The following PARD3 variants were observed in gnomAD, a reference collection of about 807,000 sequenced individuals.
PARD3 encodes the protein par-3 family cell polarity regulator.
PARD3 carries 75 observed loss-of-function variants against 155.4 expected under a neutral mutation model. The observed-to-expected ratio is 0.48, with a 90% CI of 0.40 to 0.58. PARD3 has a LOEUF of 0.58. PARD3 is among the 20% of genes least tolerant of loss of function. The pLI is 0.00. For synonymous variants in PARD3, 576 were observed against 610.5 expected, an observed-to-expected ratio of 0.94 and a Z score of 0.83; for missense variants, 1,642 against 1,721.7, an observed-to-expected ratio of 0.95 and a Z score of 0.82.
chr10:34,658,534 G>A (rs899782884), intron 2 of PARD3, among the ~76,000 whole-genome samples: 6 of 152,092 alleles, frequency 3.9e-5, no homozygotes, highest in African/African-American at 1.4e-4. Flanking sequence ...GGCTGGGGCT[G>A]AGGCTGAGGC....
At chr10:34,129,866 C>T (rs542608925) in intron 23 of PARD3, among the ~76,000 whole-genome samples, 3 of 141,530 alleles carry the variant, frequency 2.1e-5, no homozygotes, top group African/African-American at 7.9e-5. Flanking sequence ...GATGGGGTCT[C>T]CCTATGTTGC....
chr10:34,483,523 AAG>A (rs1306939613), intron 3 of PARD3, among the ~76,000 whole-genome samples: 1 of 151,706 alleles, frequency 6.6e-6, no homozygotes, highest in Admixed American at 6.6e-5. Flanking sequence ...AAACAGAAAA[AAG>A]GGGGGAAGCT....
At chr10:34,154,112 A>G (rs1490901575) in intron 22 of PARD3, among the ~76,000 whole-genome samples, 1 of 152,242 alleles carries the variant, frequency 6.6e-6, no homozygotes, top group African/African-American at 2.4e-5. Context: ...CTTGTTCTCC[A>G]GTAATGGAGC....
intron 14 of PARD3, among the ~76,000 whole-genome samples, chr10:34,349,633 C>T (rs1837824063): frequency 8.5e-6 from 1 of 118,220 alleles, no homozygotes; most frequent in Admixed American, 8.0e-5. Context: ...ATACTCTATA[C>T]CATTAAGAAC....
At chr10:34,697,669 A>C (rs1041364173) in intron 1 of PARD3, among the ~76,000 whole-genome samples, 1 of 152,128 alleles carries the variant, frequency 6.6e-6, no homozygotes, top group African/African-American at 2.4e-5. Flanking sequence ...CGTTAAAACC[A>C]TTTTGCAAGT....
intron 3 of PARD3, among the ~76,000 whole-genome samples, chr10:34,480,304 C>T (rs1384377936): frequency 6.6e-6 from 1 of 152,182 alleles, no homozygotes; most frequent in African/African-American, 2.4e-5. Context: ...TGCAAGATCA[C>T]AGCTCACTGC....
At chr10:34,799,077 TG>T in intron 1 of PARD3, among the ~76,000 whole-genome samples, 1 of 152,270 alleles carries the variant, frequency 6.6e-6, no homozygotes, top group Non-Finnish European at 1.5e-5. Flanking sequence ...CAACTGGGGA[TG>T]TCACTCAGGC....
At chr10:34,429,840 C>T (rs1392109060) in intron 5 of PARD3, among the ~76,000 whole-genome samples, 5 of 152,172 alleles carry the variant, frequency 3.3e-5, no homozygotes, top group African/African-American at 1.2e-4. Flanking sequence ...CCGCCTCGGC[C>T]TCCCAAAGTG....
At chr10:34,311,992 C>T (rs1466903606) in intron 20 of PARD3, among the ~76,000 whole-genome samples, 1 of 152,144 alleles carries the variant, frequency 6.6e-6, no homozygotes, top group Non-Finnish European at 1.5e-5. Context: ...TGGCCCTTTA[C>T]AGAATCTTGA....
At chr10:34,525,755 C>T (rs1388863626) in intron 2 of PARD3, among the ~76,000 whole-genome samples, 3 of 151,546 alleles carry the variant, frequency 2.0e-5, no homozygotes, top group African/African-American at 4.9e-5. Flanking sequence ...TTCTAAGAGG[C>T]GTGAGCCTCT....
intron 7 of PARD3, among the ~76,000 whole-genome samples, chr10:34,387,949 A>G (rs191248049): frequency 6.6e-6 from 1 of 152,346 alleles, no homozygotes; most frequent in East Asian, 1.9e-4. Context: ...AAATTCTACA[A>G]ATCATAAATA....
At chr10:34,341,167 A>T (rs1836775648) in intron 16 of PARD3, among the ~76,000 whole-genome samples, 1 of 139,112 alleles carries the variant, frequency 7.2e-6, no homozygotes, top group African/African-American at 2.7e-5. Flanking sequence ...TTTAAACAGT[A>T]TGGTTATAGC....
At position 34,562,649 on chromosome 10, in the gene PARD3, T is replaced by A. The variant is rs549596289; in HGVS notation, c.223-45490A>T. On this transcript the variant is annotated intron_variant, in intron 2 of 24. Transcript: ENST00000374788. ...TATATAAATGTTAAAAACTTTTTTTTAAAACCAAGCAAAACATAGTGTCAA... is the reference window on the plus strand; with the variant it reads ...TATATAAATGTTAAAAACTTTTTTTAAAAACCAAGCAAAACATAGTGTCAA... Among the ~76,000 whole-genome samples, 8 of 152,330 alleles carry A rather than the reference T, an allele frequency of 5.3e-5. No homozygotes were observed. The East Asian group carries it at 5.8e-4, about 11-fold the overall frequency.
At chr10:34,300,183 A>G (rs1464481377) in intron 20 of PARD3, among the ~76,000 whole-genome samples, 1 of 152,204 alleles carries the variant, frequency 6.6e-6, no homozygotes, top group East Asian at 1.9e-4. Context: ...GATATCCACA[A>G]ATCATAGTAT....
At chr10:34,371,016 C>CTA (rs1478168391) in intron 12 of PARD3, among the ~76,000 whole-genome samples, 1 of 152,054 alleles carries the variant, frequency 6.6e-6, no homozygotes, top group Non-Finnish European at 1.5e-5. Flanking sequence ...ATGCACATAC[C>CTA]TATGCACATC....
At chr10:34,230,181 CA>C (rs1280225267) in intron 22 of PARD3, among the ~76,000 whole-genome samples, 1 of 152,040 alleles carries the variant, frequency 6.6e-6, no homozygotes, top group Non-Finnish European at 1.5e-5. Flanking sequence ...AGACTGTAAC[CA>C]ATAAATAAAT....
intron 2 of PARD3, among the ~76,000 whole-genome samples, chr10:34,594,374 G>A (rs2089036480): frequency 6.6e-6 from 1 of 152,162 alleles, no homozygotes; most frequent in South Asian, 2.1e-4. Flanking sequence ...TACAGGCACT[G>A]CTGTTATAAA....
At chr10:34,174,232 C>CA (rs1212068993) in intron 22 of PARD3, among the ~76,000 whole-genome samples, 1 of 152,204 alleles carries the variant, frequency 6.6e-6, no homozygotes, top group African/African-American at 2.4e-5. Context: ...ATACTACCAT[C>CA]ATAAATTCAT....
At chr10:34,311,670 T>C (rs1302703643) in intron 20 of PARD3, among the ~76,000 whole-genome samples, 1 of 152,192 alleles carries the variant, frequency 6.6e-6, no homozygotes, top group African/African-American at 2.4e-5. Context: ...CCAAAGTAGC[T>C]CTGCTTTTTT....
Sources: allele counts gnomAD v4.1 joint callset (sites outside exome capture counted in the v4.1 genomes callset), GRCh38; gene constraint gnomAD v4.1.1; transcripts MANE v1.5; gene names NCBI Gene and HGNC (gene_info 2026-07-23, HGNC 2026-07-21).